The following NTAQ1 variants were observed in gnomAD, a reference collection of about 807,000 sequenced individuals.
NTAQ1 encodes protein N-terminal glutamine amidohydrolase.
NTAQ1 carries 21 observed loss-of-function variants against 28.2 expected under a neutral mutation model. The ratio of observed to expected loss-of-function variants is 0.74; its 90% CI spans 0.53 to 1.07. The LOEUF (loss-of-function observed/expected upper bound fraction) is 1.07. Ranked by LOEUF, NTAQ1 falls within the 50% of genes least tolerant of loss-of-function variation. The probability of loss-of-function intolerance (pLI) is 0.00; values close to 1 mark genes in which losing one functional copy is unlikely to be tolerated. For missense variants in NTAQ1, 264 were observed against 256.6 expected, an observed-to-expected ratio of 1.03 and a Z score of -0.20; for synonymous variants, 105 against 90.0, an observed-to-expected ratio of 1.17 and a Z score of -0.94.
At chr8:123,431,413 G>T (rs973633478) in intron 3 of NTAQ1, among the ~76,000 whole-genome samples, 3 of 151,716 alleles carry the variant, frequency 2.0e-5, no homozygotes. Context: ...TGACACTGAT[G>T]AATTGGAACA....
At chr8:123,437,508 C>G (rs1366953933) in intron 5 of NTAQ1, among the ~76,000 whole-genome samples, 174 bp downstream of exon 5, 3 of 152,106 alleles carry the variant, frequency 2.0e-5, no homozygotes, top group Admixed American at 2.0e-4. Flanking sequence ...TAGACACCAT[C>G]CTGGCTAACA....
downstream of NTAQ1, among the ~76,000 whole-genome samples, chr8:123,443,655 A>G (rs1457250157): frequency 1.3e-5 from 2 of 151,844 alleles, no homozygotes; most frequent in Non-Finnish European, 1.5e-5. Context: ...GCTTACTGCA[A>G]CCTCCACCTC....
intron 1 of NTAQ1, 60 bp downstream of exon 1, chr8:123,416,992 C>T: frequency 2.2e-6 from 3 of 1,371,672 alleles, no homozygotes; most frequent in Non-Finnish European, 1.9e-6. Flanking sequence ...GAGTCGCAAC[C>T]GGGCCCCGCC....
intron 6 of NTAQ1, among the ~76,000 whole-genome samples, chr8:123,454,617 G>A (rs1166296516): frequency 3.3e-5 from 5 of 152,134 alleles, no homozygotes; most frequent in East Asian, 3.8e-4. Context: ...TGTAGCAGTC[G>A]GAGATGCACT....
chr8:123,471,059 T>G (rs1816036293), downstream of NTAQ1, among the ~76,000 whole-genome samples: 1 of 151,994 alleles, frequency 6.6e-6, no homozygotes, highest in South Asian at 2.1e-4. Flanking sequence ...TAGCTGGGAC[T>G]ACAGGCATGC....
intron 6 of NTAQ1, among the ~76,000 whole-genome samples, chr8:123,466,716 C>A (rs186922794): frequency 5.3e-5 from 8 of 152,250 alleles, no homozygotes; most frequent in Admixed American, 5.2e-4. Context: ...ATCTTGTTTT[C>A]AGTTCTTTTG....
At chr8:123,432,395 T>C (rs1462909548) in intron 3 of NTAQ1, among the ~76,000 whole-genome samples, 1 of 152,122 alleles carries the variant, frequency 6.6e-6, no homozygotes, top group Non-Finnish European at 1.5e-5. Context: ...ATCCCAGCAC[T>C]TTGGGATGCA....
chr8:123,454,559 G>A (rs909747813), intron 6 of NTAQ1, among the ~76,000 whole-genome samples: 8 of 152,146 alleles, frequency 5.3e-5, no homozygotes, highest in East Asian at 1.9e-4. Flanking sequence ...TAGTAAAGAC[G>A]GGGTTTCTCC....
At chr8:123,474,969 C>T (rs61056203), downstream of NTAQ1, among the ~76,000 whole-genome samples, 1,157 of 152,310 alleles carry the variant, frequency 7.6e-3, 123 homozygotes, top group East Asian at 0.21. Flanking sequence ...ATGGATGATT[C>T]TTGCCTGCCA....
intron 3 of NTAQ1, among the ~76,000 whole-genome samples, chr8:123,432,001 A>T (rs1814426721): frequency 6.6e-6 from 1 of 152,098 alleles, no homozygotes; most frequent in African/African-American, 2.4e-5. Flanking sequence ...TCTCCCTTAC[A>T]CATCTCATGG....
downstream of NTAQ1, among the ~76,000 whole-genome samples, chr8:123,451,584 C>A (rs1815494231): frequency 5.9e-5 from 9 of 152,292 alleles, no homozygotes; most frequent in South Asian, 1.9e-3. Flanking sequence ...ATTGGTCCGC[C>A]CACTTCAGCC....
chr8:123,445,281 G>A (rs953366818), downstream of NTAQ1, among the ~76,000 whole-genome samples: 1 of 147,452 alleles, frequency 6.8e-6, no homozygotes, highest in Non-Finnish European at 1.5e-5. Context: ...CCACCCCCCC[G>A]ACAAATGGTA....
At chr8:123,444,753 C>T (rs1450519488), downstream of NTAQ1, among the ~76,000 whole-genome samples, 2 of 152,218 alleles carry the variant, frequency 1.3e-5, no homozygotes, top group Non-Finnish European at 2.9e-5. Flanking sequence ...TCGTGATCCA[C>T]TTGCCTCGAC....
intron 3 of NTAQ1, among the ~76,000 whole-genome samples, chr8:123,431,628 C>T (rs899072393): frequency 2.0e-5 from 3 of 152,168 alleles, no homozygotes; most frequent in Admixed American, 6.6e-5. Flanking sequence ...AGCCCAAGCC[C>T]CTCAGCTCTA....
At chr8:123,436,120 GATC>G (rs1426562346) in intron 3 of NTAQ1, among the ~76,000 whole-genome samples, 1 of 137,160 alleles carries the variant, frequency 7.3e-6, no homozygotes, top group Non-Finnish European at 1.5e-5. Flanking sequence ...AGTGAGCTGA[GATC>G]ATGCCACTGC....
intron 1 of NTAQ1, among the ~76,000 whole-genome samples, chr8:123,417,552 C>T (rs1813374078): frequency 6.6e-6 from 1 of 152,118 alleles, no homozygotes; most frequent in African/African-American, 2.4e-5. Flanking sequence ...CCGGAATCCA[C>T]GCAGTGCACC....
chr8:123,459,935 G>C (rs1815771117), intron 6 of NTAQ1, among the ~76,000 whole-genome samples: 1 of 151,708 alleles, frequency 6.6e-6, no homozygotes, highest in Non-Finnish European at 1.5e-5. Flanking sequence ...CAAGTAGCTG[G>C]GATTACAGGA....
At chr8:123,440,502 C>T (rs1418648504) in intron 5 of NTAQ1, among the ~76,000 whole-genome samples, 3 of 123,890 alleles carry the variant, frequency 2.4e-5, no homozygotes, top group Non-Finnish European at 5.2e-5. Flanking sequence ...TTCCTTTCTT[C>T]TTTTTTTTTT....
chr8:123,471,027 C>G (rs1816036030), downstream of NTAQ1, among the ~76,000 whole-genome samples: 1 of 151,672 alleles, frequency 6.6e-6, no homozygotes, highest in African/African-American at 2.4e-5. Flanking sequence ...CTCAGGTGAT[C>G]CTCCTGCCTC....
Sources: gnomAD v4.1 joint callset for allele counts (sites outside exome capture counted in the v4.1 genomes callset) on GRCh38, gnomAD v4.1.1 for gene constraint, MANE v1.5 for transcripts, NCBI Gene and HGNC (gene_info 2026-07-23, HGNC 2026-07-21) for gene names.